Variants in PDZD2 observed in about 807,000 individuals in gnomAD.
The protein encoded by PDZD2 is PDZ domain-containing protein 2.
In PDZD2, 90 loss-of-function variants were observed where a neutral mutation model predicts 220.7. The observed-to-expected ratio is 0.41, with a 90% CI of 0.34 to 0.49. The LOEUF is 0.49. PDZD2 is among the 20% of genes least tolerant of loss of function. PDZD2 has a pLI of 0.28. For synonymous variants in PDZD2, 1,375 were observed against 1,450.5 expected, an observed-to-expected ratio of 0.95 and a Z score of 1.18; for missense variants, 3,174 against 3,608.5, an observed-to-expected ratio of 0.88 and a Z score of 3.08.
rs777089661 is a variant in PDZD2 at position 32,069,641 on chromosome 5, C to T, written c.2524C>T (p.Pro842Ser). The change falls in exon 15 of 25, where the codon CCT becomes TCT. Residue 842 changes from proline (P) to serine (S), a missense_variant. Pro to Ser is a moderately conservative substitution (Grantham distance 74). Coordinates refer to ENST00000438447, the MANE Select transcript of PDZD2 (RefSeq NM_178140.4). ...YQESKEANSSPGLGTPLKSPS... is the reference protein window; with the variant it reads ...YQESKEANSSSGLGTPLKSPS... Reference sequence around the variant, plus strand: ...GGAGAGCAAAGAGGCCAATTCCTCTCCTGGCTTAGGTACTGTAATCTCACA... The same window carrying T: ...GGAGAGCAAAGAGGCCAATTCCTCTTCTGGCTTAGGTACTGTAATCTCACA... The T allele has an allele frequency of 1.3e-6, 2 of 1,517,140 alleles. No homozygotes were observed. Among genetic ancestry groups the T allele is most frequent in the South Asian group, 1.1e-5 (1 of 89,172 alleles). 94.0% of individuals were successfully genotyped at this position (1,517,140 alleles called of 1,614,324 possible). A position where few individuals can be genotyped will look rare whatever the true frequency, so the allele number is the denominator to read the frequency against.
intron 1 of PDZD2, among the ~76,000 whole-genome samples, chr5:31,751,711 C>T (rs1750983676): frequency 6.6e-6 from 1 of 152,116 alleles, no homozygotes; most frequent in Non-Finnish European, 1.5e-5. Flanking sequence ...GGATCGGTAA[C>T]ACTGAGCCTG....
At chr5:32,046,687 C>T (rs965197073) in intron 7 of PDZD2, among the ~76,000 whole-genome samples, 3 of 152,148 alleles carry the variant, frequency 2.0e-5, no homozygotes, top group African/African-American at 7.2e-5. Context: ...AGCGTAGACA[C>T]GGAGAAGATA....
Position 32,061,098 on chromosome 5 carries a change from C to T in PDZD2, c.2415C>T (p.Pro805=), listed in dbSNP as rs374248591. The T allele has an allele frequency of 4.0e-5, 64 of 1,614,146 alleles. 1 individual carries two copies. Among genetic ancestry groups the T allele is most frequent in the African/African-American group, 2.8e-4 (21 of 75,058 alleles). ...HAILSKCPPG[P]VRLVIGRHPN... is the part of the protein sequence containing the mutation. The stretch of plus-strand genomic sequence containing the variant: ...TCTTGAGTAAATGCCCTCCAGGACC[C>T]GTTCGCCTTGTCATCGGCCGGCACC... The change falls in exon 14 of 25, where the codon CCC becomes CCT. Residue 805 remains proline (P), a synonymous_variant. Coordinates refer to ENST00000438447, the MANE Select transcript of PDZD2 (RefSeq NM_178140.4).
intron 1 of PDZD2, among the ~76,000 whole-genome samples, chr5:31,658,275 C>A (rs576809631): frequency 6.6e-6 from 1 of 152,230 alleles, no homozygotes; most frequent in South Asian, 2.1e-4. Flanking sequence ...AGCAAGGAAT[C>A]TTCATATTTT....
rs1294988670 is a variant in PDZD2, at chr5:32,000,843, GGT to G, written c.1254+575_1254+576del. On this transcript the variant is annotated intron_variant, in intron 5 of 24. Transcript: ENST00000438447. This position sits in a 1 kb window ranked among gnomAD's most constrained non-coding sequence, Gnocchi z 4.5. ...GTTTTTATAGGTATATGTTAGGGCAGGTGTCCCCAGCCCCTGGGCTGTGGATG... is the reference window on the plus strand; with the variant it reads ...GTTTTTATAGGTATATGTTAGGGCAGGTCCCCAGCCCCTGGGCTGTGGATG... 6.6e-6 allele frequency among the ~76,000 whole-genome samples: 1 copy of G among 152,202 alleles called. No homozygotes were observed. Among genetic ancestry groups the G allele is most frequent in the Non-Finnish European group, 1.5e-5 (1 of 68,036 alleles).
intron 2 of PDZD2, among the ~76,000 whole-genome samples, chr5:31,914,647 C>T (rs1743519742): frequency 6.6e-6 from 1 of 152,156 alleles, no homozygotes; most frequent in South Asian, 2.1e-4. Context: ...GGACAGATGT[C>T]AATGTGAGAA....
rs1408081043 is a variant in PDZD2, at chr5:32,089,124, C to T, written c.5676C>T (p.Gly1892=). Residue 1892 remains glycine (G), a synonymous_variant, in exon 20 of 25, where the codon GGC becomes GGT. Transcript: ENST00000438447. The stretch of plus-strand genomic sequence containing the variant: ...AGCTGAAGAGGCTCAGCCTCAAGGG[C>T]AAGGCCAAAGTCAACTCTGAGGCCC... The part of the protein sequence containing the change: ...GPKLKRLSLK[G]KAKVNSEAPA... The T allele has an allele frequency of 6.2e-6, 10 of 1,613,984 alleles. No individual in the cohort carries two copies. Among genetic ancestry groups the T allele is most frequent in the Non-Finnish European group, 8.5e-6 (10 of 1,179,992 alleles).
intron 1 of PDZD2, among the ~76,000 whole-genome samples, chr5:31,696,238 T>C (rs1747373858): frequency 6.6e-6 from 1 of 152,152 alleles, no homozygotes; most frequent in Admixed American, 6.5e-5. Context: ...AGTGAGCGAA[T>C]GAATGAAACA....
chr5:31,760,943 A>C (rs1483594586), intron 1 of PDZD2, among the ~76,000 whole-genome samples: 1 of 152,150 alleles, frequency 6.6e-6, no homozygotes, highest in Non-Finnish European at 1.5e-5. Context: ...TAAATAAATA[A>C]ATAAGCAAAC....
At chr5:31,649,659 G>C (rs778211043) in intron 1 of PDZD2, among the ~76,000 whole-genome samples, 63 of 151,978 alleles carry the variant, frequency 4.1e-4, no homozygotes, top group Non-Finnish European at 7.8e-4. Context: ...TCTCGGCTGG[G>C]CGCGGCAGCG....
chr5:31,923,966 G>A (rs1048457530), intron 2 of PDZD2, among the ~76,000 whole-genome samples: 1 of 152,154 alleles, frequency 6.6e-6, no homozygotes, highest in African/African-American at 2.4e-5. Flanking sequence ...ACTCGGTGGC[G>A]TTAAGATGCA....
At chr5:32,092,854 T>C in intron 20 of PDZD2, 53 bp from the exon 21 acceptor site, 1 of 871,980 alleles carries the variant, frequency 1.1e-6, no homozygotes, top group Non-Finnish European at 1.8e-6. Context: ...TCTTATAAAA[T>C]GAAGAAATTG....
intron 2 of PDZD2, among the ~76,000 whole-genome samples, chr5:31,942,898 G>A (rs973724386): frequency 7.2e-5 from 11 of 152,182 alleles, no homozygotes; most frequent in African/African-American, 2.7e-4. Flanking sequence ...CTTCGGATGT[G>A]TAGTTTTGAA....
chr5:32,082,811 T>C (rs1298682772), intron 19 of PDZD2, among the ~76,000 whole-genome samples: 1 of 152,050 alleles, frequency 6.6e-6, no homozygotes, highest in Non-Finnish European at 1.5e-5. Flanking sequence ...CCAAGATGTG[T>C]TGATTGTGAG....
chr5:31,755,394 C>T (rs1272383709), intron 1 of PDZD2, among the ~76,000 whole-genome samples: 1 of 152,028 alleles, frequency 6.6e-6, no homozygotes, highest in Admixed American at 6.6e-5. Flanking sequence ...ACCGGCATTT[C>T]GGGGTGGGGG....
intron 1 of PDZD2, among the ~76,000 whole-genome samples, chr5:31,697,331 C>T (rs527878429): frequency 6.6e-6 from 1 of 152,200 alleles, no homozygotes; most frequent in Non-Finnish European, 1.5e-5. Context: ...GGCGTGGTGG[C>T]GGGCACCTGT....
intron 2 of PDZD2, chr5:31,843,185 A>G (rs768383848): frequency 1.3e-5 from 2 of 151,688 alleles, no homozygotes; most frequent in Non-Finnish European, 2.9e-5. Flanking sequence ...CCAGCCTATC[A>G]CCCTTGTTTT....
At chr5:31,975,820 T>TTTTTTTTG (rs1561238424) in intron 2 of PDZD2, among the ~76,000 whole-genome samples, 1 of 134,728 alleles carries the variant, frequency 7.4e-6, no homozygotes, top group African/African-American at 2.8e-5. Context: ...TTTTTTTTTT[T>TTTTTTTTG]TGAGACAAGG....
intron 2 of PDZD2, among the ~76,000 whole-genome samples, chr5:31,804,469 G>A (rs1754594982): frequency 6.6e-6 from 1 of 152,184 alleles, no homozygotes; most frequent in Admixed American, 6.5e-5. Flanking sequence ...CTACCGTAGA[G>A]GATGTCTGCC....
Sources: gnomAD v4.1 joint callset for allele counts (sites outside exome capture counted in the v4.1 genomes callset) on GRCh38, gnomAD v4.1.1 for gene constraint, Gnocchi (gnomAD v3.1) non-coding constraint, MANE v1.5 for transcripts, NCBI Gene and HGNC (gene_info 2026-07-23, HGNC 2026-07-21) for gene names.